Variants in NTM observed in about 807,000 individuals in gnomAD.
NTM encodes the protein neurotrimin.
A neutral mutation model predicts 42.1 loss-of-function variants in NTM; 13 were observed. That is an observed-to-expected ratio of 0.31 (90% CI 0.20 to 0.49). The LOEUF (loss-of-function observed/expected upper bound fraction) is 0.49. Ranked by LOEUF, NTM falls within the 20% of genes least tolerant of loss-of-function variation. The pLI is 0.99. For synonymous variants in NTM, 187 were observed against 179.2 expected, an observed-to-expected ratio of 1.04 and a Z score of -0.35; for missense variants, 373 against 452.8, an observed-to-expected ratio of 0.82 and a Z score of 1.60.
At position 132,212,161 on chromosome 11, in the gene NTM, T is replaced by C. The variant is rs747468290; in HGVS notation, c.526+14T>C. The C allele has an allele frequency of 2.5e-6, 4 of 1,606,482 alleles. No homozygotes were observed. The highest frequency in any genetic ancestry group is 3.4e-6 in the Non-Finnish European group (4 of 1,176,982). ...TCTCTCCCAAAGGTAAGAGAACAGTTTGTTGCATTGCATCATGAGGATAAA... is the reference window on the plus strand; with the variant it reads ...TCTCTCCCAAAGGTAAGAGAACAGTCTGTTGCATTGCATCATGAGGATAAA... On this transcript the variant is annotated intron_variant, in intron 4 of 8. Transcript: ENST00000683400.
chr11:131,793,013 G>A (rs2091141817), intron 1 of NTM, among the ~76,000 whole-genome samples: 1 of 152,218 alleles, frequency 6.6e-6, no homozygotes, highest in South Asian at 2.1e-4. Context: ...TGGAAGGTGA[G>A]TGGACAGAGT....
At chr11:131,890,832 G>T (rs2051213769) in intron 1 of NTM, among the ~76,000 whole-genome samples, 1 of 152,284 alleles carries the variant, frequency 6.6e-6, no homozygotes, top group Admixed American at 6.5e-5. Context: ...CCTACTCATT[G>T]TCTGTGTCTC....
chr11:131,842,823 C>G (rs2136694655), intron 1 of NTM, among the ~76,000 whole-genome samples: 1 of 152,108 alleles, frequency 6.6e-6, no homozygotes, highest in South Asian at 2.1e-4. Context: ...CCAGCCTGGC[C>G]AACATGGTGA....
At chr11:132,173,738 G>C (rs2137890781) in intron 3 of NTM, among the ~76,000 whole-genome samples, 1 of 152,274 alleles carries the variant, frequency 6.6e-6, no homozygotes, top group East Asian at 1.9e-4. Context: ...ATTGTGACTT[G>C]TGCCCAGGAA....
intron 2 of NTM, among the ~76,000 whole-genome samples, chr11:132,132,617 T>A (rs1181416182): frequency 6.6e-6 from 1 of 152,132 alleles, no homozygotes; most frequent in East Asian, 1.9e-4. Context: ...ACCTCCATGC[T>A]CCTGCGGAGT....
intron 2 of NTM, among the ~76,000 whole-genome samples, chr11:131,988,491 G>A (rs779643704): frequency 2.6e-5 from 4 of 152,142 alleles, no homozygotes; most frequent in Admixed American, 1.3e-4. Context: ...TTACAATGGA[G>A]CTATCCTTTG....
rs183451575 is a variant in NTM, at chr11:131,653,649, C to G, written c.83-257915C>G. 3.5e-4 allele frequency among the ~76,000 whole-genome samples: 53 copies of G among 152,284 alleles called. No individual in the cohort carries two copies. In the East Asian group the frequency reaches 8.1e-3, roughly 23 times the overall value. On this transcript the variant is annotated intron_variant, in intron 1 of 8. Coordinates refer to ENST00000683400, the MANE Select transcript of NTM (RefSeq NM_001352005.2). ...GCTGGAGCCAGCTTGCTGCTCCTAC[C>G]CGAGTGCCTGGAGCTGAGAGTGTAG... is the stretch of plus-strand genomic sequence containing the variant.
rs553800705 is a variant in NTM at position 132,071,865 on chromosome 11, A to C, written c.168-74417A>C. 3.3e-5 allele frequency among the ~76,000 whole-genome samples: 5 copies of C among 152,296 alleles called. No homozygotes were observed. The South Asian group carries it at 1.0e-3, about 32-fold the overall frequency. ...GTAACCAGGTCATCCATCAGTAGCAATAGGCCTGTATTAGGAGTCCTTGAC... is the reference window on the plus strand; with the variant it reads ...GTAACCAGGTCATCCATCAGTAGCACTAGGCCTGTATTAGGAGTCCTTGAC... On this transcript the variant is annotated intron_variant, in intron 2 of 8. Transcript: ENST00000683400.
intron 1 of NTM, among the ~76,000 whole-genome samples, chr11:131,834,094 T>G (rs1282855286): frequency 1.3e-5 from 2 of 152,156 alleles, no homozygotes; most frequent in Non-Finnish European, 2.9e-5. Context: ...ATCTTCTCTT[T>G]CGTTTGTTCA....
intron 2 of NTM, among the ~76,000 whole-genome samples, chr11:131,931,060 T>G (rs2058543177): frequency 1.3e-5 from 2 of 152,206 alleles, no homozygotes; most frequent in Admixed American, 1.3e-4. Context: ...GTAGTGGAAT[T>G]GCGAGTGACA....
chr11:132,157,168 A>T (rs2073363244), intron 3 of NTM, among the ~76,000 whole-genome samples: 1 of 152,226 alleles, frequency 6.6e-6, no homozygotes, highest in South Asian at 2.1e-4. Flanking sequence ...CACTAAATAT[A>T]TGGAAATGTG....
intron 2 of NTM, among the ~76,000 whole-genome samples, chr11:132,074,998 G>C (rs1236617770): frequency 6.6e-6 from 1 of 152,152 alleles, no homozygotes; most frequent in Admixed American, 6.5e-5. Context: ...TTTTTTAAGA[G>C]TATATAAAGA....
intron 1 of NTM, among the ~76,000 whole-genome samples, chr11:131,786,875 T>C (rs368104259): frequency 1.3e-5 from 2 of 152,176 alleles, no homozygotes; most frequent in African/African-American, 2.4e-5. Flanking sequence ...TAAACACTAG[T>C]TTAATGAGCA....
chr11:132,256,762 A>G (rs1169065988), intron 4 of NTM, among the ~76,000 whole-genome samples: 3 of 152,008 alleles, frequency 2.0e-5, no homozygotes, highest in Non-Finnish European at 4.4e-5. Flanking sequence ...GGAGAGGCAG[A>G]GGTGGGCCAA....
chr11:132,074,374 T>C (rs1354778607), intron 2 of NTM, among the ~76,000 whole-genome samples: 2 of 152,124 alleles, frequency 1.3e-5, no homozygotes, highest in Non-Finnish European at 2.9e-5. Context: ...TAAAGAAATA[T>C]GGGGATTGAT....
chr11:132,229,641 C>T (rs182790923), intron 4 of NTM, among the ~76,000 whole-genome samples: 15 of 152,272 alleles, frequency 9.9e-5, no homozygotes, highest in Admixed American at 6.5e-4. Flanking sequence ...GGAAAGTTGA[C>T]GTCTAAACTG....
At chr11:131,945,790 G>A (rs2060275473) in intron 2 of NTM, among the ~76,000 whole-genome samples, 1 of 152,176 alleles carries the variant, frequency 6.6e-6, no homozygotes, top group African/African-American at 2.4e-5. Flanking sequence ...TTAGAAGAGT[G>A]AATATAATTG....
At chr11:132,172,693 A>G (rs955620622) in intron 3 of NTM, among the ~76,000 whole-genome samples, 1 of 152,230 alleles carries the variant, frequency 6.6e-6, no homozygotes, top group Non-Finnish European at 1.5e-5. Context: ...GTTCCAGGTC[A>G]CATAGGAATA....
intron 4 of NTM, among the ~76,000 whole-genome samples, chr11:132,229,174 C>T (rs1200569913): frequency 6.6e-6 from 1 of 152,190 alleles, no homozygotes; most frequent in Non-Finnish European, 1.5e-5. Context: ...TGGCTATGTT[C>T]CAGGCACTCT....
Sources: gnomAD v4.1 joint callset for allele counts (sites outside exome capture counted in the v4.1 genomes callset) on GRCh38, gnomAD v4.1.1 for gene constraint, MANE v1.5 for transcripts, NCBI Gene and HGNC (gene_info 2026-07-23, HGNC 2026-07-21) for gene names.